GAS7: variants seen among roughly 807,000 people sequenced by gnomAD.
GAS7 encodes growth arrest specific 7.
GAS7 carries 28 observed loss-of-function variants against 71.1 expected under a neutral mutation model. The observed-to-expected ratio is 0.39, with a 90% confidence interval of 0.29 to 0.54. GAS7 has a LOEUF of 0.54. Ranked by LOEUF, GAS7 falls within the 20% of genes least tolerant of loss-of-function variation. GAS7 has a pLI of 0.62. For synonymous variants in GAS7, 258 were observed against 245.8 expected, an observed-to-expected ratio of 1.05 and a Z score of -0.46; for missense variants, 436 against 627.8, an observed-to-expected ratio of 0.69 and a Z score of 3.27.
chr17:9,989,211 C>T (rs578230790), intron 2 of GAS7, among the ~76,000 whole-genome samples: 33 of 152,164 alleles, frequency 2.2e-4, no homozygotes, highest in African/African-American at 8.0e-4. Context: ...ACAACAAAGA[C>T]CACCATTTTC....
intron 1 of GAS7, among the ~76,000 whole-genome samples, chr17:10,081,203 G>A (rs1316293439): frequency 6.6e-6 from 1 of 152,184 alleles, no homozygotes; most frequent in Non-Finnish European, 1.5e-5. Flanking sequence ...TGCCTAGGCT[G>A]GAGTGCGATG....
At chr17:10,009,179 G>C (rs1438849872) in intron 2 of GAS7, among the ~76,000 whole-genome samples, 3 of 151,420 alleles carry the variant, frequency 2.0e-5, no homozygotes, top group African/African-American at 7.3e-5. Flanking sequence ...AAATTAGCCG[G>C]GCGTAGTGGC....
intron 1 of GAS7, among the ~76,000 whole-genome samples, chr17:10,095,721 A>G (rs144719177): frequency 6.6e-6 from 1 of 151,500 alleles, no homozygotes; most frequent in African/African-American, 2.4e-5. Context: ...TCGGGAGGCT[A>G]AGGCAGGAGA....
At chr17:9,999,135 G>A (rs2071161585) in intron 2 of GAS7, among the ~76,000 whole-genome samples, 1 of 152,180 alleles carries the variant, frequency 6.6e-6, no homozygotes, top group South Asian at 2.1e-4. Context: ...TGTTTTCTGA[G>A]AAACTCGGCC....
At chr17:10,049,643 C>CAG (rs1466721473) in intron 1 of GAS7, among the ~76,000 whole-genome samples, 1 of 88,228 alleles carries the variant, frequency 1.1e-5, no homozygotes, top group Non-Finnish European at 2.0e-5. Flanking sequence ...TTTTTTGAGA[C>CAG]AGAGTCTCAC....
intron 1 of GAS7, chr17:10,039,789 C>T: frequency 6.6e-6 from 3 of 455,866 alleles, no homozygotes; most frequent in Non-Finnish European, 1.3e-5. Context: ...GTGACACAGC[C>T]AGCATCCTAA....
intron 1 of GAS7, among the ~76,000 whole-genome samples, chr17:10,170,862 G>C (rs2074330904): frequency 6.6e-6 from 1 of 152,188 alleles, no homozygotes; most frequent in African/African-American, 2.4e-5. Flanking sequence ...CACCTCGGAG[G>C]TGGTCTCTGA....
intron 8 of GAS7, among the ~76,000 whole-genome samples, chr17:9,937,882 C>G (rs781169536): frequency 3.9e-5 from 6 of 152,198 alleles, no homozygotes; most frequent in Non-Finnish European, 8.8e-5. Flanking sequence ...CTTTTCAACT[C>G]TAACCTCCTG....
intron 2 of GAS7, among the ~76,000 whole-genome samples, chr17:10,011,814 T>C (rs2071783646): frequency 6.6e-6 from 1 of 152,042 alleles, no homozygotes; most frequent in Non-Finnish European, 1.5e-5. Flanking sequence ...CCGTCTCTAC[T>C]AAAAATACAA....
chr17:10,172,068 A>G (rs2904909), intron 1 of GAS7, among the ~76,000 whole-genome samples: 110,671 of 152,122 alleles, frequency 0.73, 41,319 homozygotes, highest in African/African-American at 0.91. Context: ...TAAGAAAAGC[A>G]TACACCTCCA....
At chr17:10,152,008 C>T (rs2074170270) in intron 1 of GAS7, among the ~76,000 whole-genome samples, 1 of 152,174 alleles carries the variant, frequency 6.6e-6, no homozygotes, top group African/African-American at 2.4e-5. Flanking sequence ...CAAGTTTAAG[C>T]CAACACAAAG....
At chr17:9,943,385 C>G in intron 6 of GAS7, 149 bp from the exon 7 acceptor site, 1 of 621,806 alleles carries the variant, frequency 1.6e-6, no homozygotes, top group Non-Finnish European at 2.9e-6. Flanking sequence ...TGCCCTAACT[C>G]GGATCTCTCT....
intron 1 of GAS7, among the ~76,000 whole-genome samples, chr17:10,126,325 C>A (rs1207267989): frequency 8.6e-6 from 1 of 115,776 alleles, no homozygotes; most frequent in Non-Finnish European, 2.0e-5. Flanking sequence ...ATGCCACACA[C>A]ACACGCTCAC....
At chr17:9,984,385 A>C (rs2152133939) in intron 2 of GAS7, among the ~76,000 whole-genome samples, 1 of 152,292 alleles carries the variant, frequency 6.6e-6, no homozygotes, top group South Asian at 2.1e-4. Flanking sequence ...CAGGCATAAC[A>C]GGGGTAATAT....
At chr17:10,099,478 C>G (rs534185698) in intron 1 of GAS7, among the ~76,000 whole-genome samples, 1 of 152,166 alleles carries the variant, frequency 6.6e-6, no homozygotes, top group East Asian at 1.9e-4. Flanking sequence ...CTTTCCACCG[C>G]CCTGGAGTGG....
chr17:10,032,523 T>C (rs139781806), intron 1 of GAS7, among the ~76,000 whole-genome samples: 40 of 152,332 alleles, frequency 2.6e-4, no homozygotes, highest in Non-Finnish European at 4.3e-4. Flanking sequence ...TTAGCCTCTC[T>C]GGGCCTCTGT....
chr17:10,081,951 G>C (rs1470338104), intron 1 of GAS7, among the ~76,000 whole-genome samples: 1 of 152,186 alleles, frequency 6.6e-6, no homozygotes, highest in Non-Finnish European at 1.5e-5. Flanking sequence ...GAGGGGACAG[G>C]CATAAGGATA....
intron 7 of GAS7, among the ~76,000 whole-genome samples, chr17:9,942,421 CAG>C (rs1051737318): frequency 2.0e-5 from 3 of 152,004 alleles, no homozygotes; most frequent in African/African-American, 7.2e-5. Flanking sequence ...AACTTGGAGA[CAG>C]AGAGAGAGGA....
chr17:10,065,811 T>C lies in GAS7; in HGVS notation c.184-45914A>G, dbSNP rs546778472. Among the ~76,000 whole-genome samples the C allele has an allele frequency of 3.3e-5, 5 of 152,336 alleles. No homozygotes were observed. In the South Asian group the frequency reaches 1.0e-3, roughly 32 times the overall value. ...TCAGAAATGTTGCTGTCAATACCTCTGATGCTTCCCCAGGTCCTCCTGGCT... is the reference window on the plus strand; with the variant it reads ...TCAGAAATGTTGCTGTCAATACCTCCGATGCTTCCCCAGGTCCTCCTGGCT... On this transcript the variant is annotated intron_variant, in intron 1 of 13. Transcript: ENST00000432992.
Sources: allele counts gnomAD v4.1 joint callset (sites outside exome capture counted in the v4.1 genomes callset), GRCh38; gene constraint gnomAD v4.1.1; transcripts MANE v1.5; gene names NCBI Gene and HGNC (gene_info 2026-07-23, HGNC 2026-07-21).